The following PRR12 variants were observed in gnomAD, a reference collection of about 807,000 sequenced individuals.
PRR12 encodes proline-rich protein 12.
In PRR12, 12 loss-of-function variants were observed where a neutral mutation model predicts 138.0. The ratio of observed to expected loss-of-function variants is 0.09; its 90% CI spans 0.06 to 0.14. The LOEUF is 0.14. Ranked by LOEUF, PRR12 falls within the 10% of genes least tolerant of loss-of-function variation. The pLI, the probability that PRR12 is intolerant of heterozygous loss-of-function variation, is 1.00. For missense variants in PRR12, 2,692 were observed against 2,861.3 expected (o/e 0.94, Z 1.35); for synonymous variants, 1,567 against 1,291.7 (o/e 1.21, Z -4.57).
chr19:49,621,877 G>C (rs2080925364), intron 11 of PRR12: 1 of 513,802 alleles, frequency 1.9e-6, no homozygotes, highest in African/African-American at 1.9e-5. Context: ...TTGTTTCGGA[G>C]AACAAGTGTG....
Position 49,591,736 on chromosome 19 carries a change from G to A in PRR12, c.82G>A (p.Ala28Thr), listed in dbSNP as rs1302860335. The change falls in exon 1 of 14, where the codon GCT (alanine) becomes ACT (threonine). Residue 28 changes from alanine to threonine, a missense_variant. Ala to Thr is a moderately conservative substitution (Grantham distance 58). Coordinates refer to ENST00000418929, the MANE Select transcript of PRR12 (RefSeq NM_020719.3). ...ATGGAGTTACGAGAGGTCAGCGAAA[G>A]CTAGGTAAGGAGCTGAGGGTGGCCT... Reference protein sequence around the residue: ...AGWSYERSAKASLVYGSSRTS... With the variant: ...AGWSYERSAKTSLVYGSSRTS... The A allele has an allele frequency of 1.3e-6, 2 of 1,494,120 alleles. No homozygotes were observed. The highest frequency in any genetic ancestry group is 1.8e-6 in the Non-Finnish European group (2 of 1,119,258). 92.6% of individuals were successfully genotyped at this position (1,494,120 alleles called of 1,614,324 possible). A position where few individuals can be genotyped will look rare whatever the true frequency, so the allele number is the denominator to read the frequency against.
rs1331503801 is a variant in PRR12 at position 49,614,781 on chromosome 19, C to T, written c.4891-95C>T. 6.4e-7 allele frequency: 1 copy of T among 1,573,674 alleles called. No homozygotes were observed. Among genetic ancestry groups the T allele is most frequent in the Admixed American group, 1.8e-5 (1 of 56,818 alleles). On this transcript the variant is annotated intron_variant, in intron 7 of 13. Transcript: ENST00000418929. This position sits in a 1 kb window ranked among gnomAD's most constrained non-coding sequence, Gnocchi z 5.0. ...GGGGGCCCCCTGCTGCCGGCAGGCT[C>T]CAAGCAGCTGCCATGGTGGCCCAGG...
chr19:49,621,463 C>T, intron 10 of PRR12, 62 bp from the exon 11 acceptor site: 2 of 1,334,014 alleles, frequency 1.5e-6, no homozygotes, highest in Non-Finnish European at 2.1e-6. Context: ...TCCATGACCC[C>T]ACCTTGGCCC....
rs1599787864 is a variant in PRR12 at position 49,597,720 on chromosome 19, C to T, written c.3385C>T (p.Arg1129Cys). Residue 1129 changes from arginine (R) to cysteine (C), a missense_variant, in exon 4 of 14, where the codon CGC becomes TGC. Arg to Cys is a radical substitution (Grantham distance 180). Transcript: ENST00000418929. This position sits in a 1 kb window ranked among gnomAD's most constrained non-coding sequence, Gnocchi z 6.3. ...RRLPDLVSSC[R>C]SRPALSPLGD... ...CTTGCCTGACCTGGTCTCCAGCTGCCGCTCCCGTCCGGCCCTCTCGCCACT... is the reference window on the plus strand; with the variant it reads ...CTTGCCTGACCTGGTCTCCAGCTGCTGCTCCCGTCCGGCCCTCTCGCCACT... 5.0e-6 allele frequency: 8 copies of T among 1,607,648 alleles called. No individual in the cohort carries two copies. Among genetic ancestry groups the T allele is most frequent in the Non-Finnish European group, 5.9e-6 (7 of 1,178,106 alleles).
At chr19:49,611,908 G>A (rs1159981878) in intron 6 of PRR12, among the ~76,000 whole-genome samples, 1 of 94,426 alleles carries the variant, frequency 1.1e-5, no homozygotes, top group Non-Finnish European at 1.9e-5. Flanking sequence ...GGGCGACAGA[G>A]CGAGACTCCG....
rs1341291535 is a variant in PRR12, at chr19:49,615,790, T to C, written c.5068T>C (p.Ser1690Pro). The C allele has an allele frequency of 6.2e-7, 1 of 1,612,782 alleles. No individual in the cohort carries two copies. Among genetic ancestry groups the C allele is most frequent in the African/African-American group, 1.3e-5 (1 of 74,776 alleles). ...AKNPVSAGGS[S>P]APPPKAPAPP... ...GAACCCCGTATCTGCTGGGGGTAGCTCTGCACCTCCCCCTAAGGCCCCAGC... is the reference window on the plus strand; with the variant it reads ...GAACCCCGTATCTGCTGGGGGTAGCCCTGCACCTCCCCCTAAGGCCCCAGC... The change falls in exon 9 of 14, where the codon TCT (serine) becomes CCT (proline). Residue 1690 changes from serine to proline, a missense_variant. Ser to Pro is a moderately conservative substitution (Grantham distance 74). This residue lies in a region of PRR12 where 259 missense variants were observed against 265.1 expected (regional missense o/e 0.98). Coordinates refer to ENST00000418929, the MANE Select transcript of PRR12 (RefSeq NM_020719.3).
chr19:49,616,154 C>A lies in PRR12; in HGVS notation c.5432C>A (p.Ala1811Glu). ...AAGGAGGCAGGCGGCAACGCTACAG[C>A]AGGCGGGGGCCCACCAGGCAGCTCC... ...WLKEAGGNAT[A>E]GGGPPGSSSD... Residue 1811 changes from alanine to glutamate, a missense_variant, in exon 9 of 14, where the codon GCA (alanine) becomes GAA (glutamate). Coordinates refer to ENST00000418929, the MANE Select transcript of PRR12 (RefSeq NM_020719.3). The surrounding 1 kb of genome is among the most constrained non-coding windows in gnomAD (Gnocchi z 4.2). 2 of 1,561,888 alleles carry A rather than the reference C, an allele frequency of 1.3e-6. No individual in the cohort carries two copies. The highest frequency in any genetic ancestry group is 1.7e-6 in the Non-Finnish European group (2 of 1,153,582).
Position 49,598,012 on chromosome 19 carries a change from A to G in PRR12, c.3677A>G (p.Lys1226Arg). The G allele has an allele frequency of 7.3e-7, 1 of 1,368,362 alleles. No homozygotes were observed. The allele number at this position is 1,368,362 out of a possible 1,614,324, so 84.8% of individuals were successfully genotyped here. A position where few individuals can be genotyped will look rare whatever the true frequency, so the allele number is the denominator to read the frequency against. The change falls in exon 4 of 14, where the codon AAG becomes AGG. Residue 1226 changes from lysine (K) to arginine (R), a missense_variant and splice_region_variant. Transcript: ENST00000418929. The part of the protein sequence containing the change: ...GTRLEPLKPL[K>R]IKLSVPKAGE... Reference sequence around the variant, plus strand: ...CGGTTGGAGCCCCTGAAGCCACTTAAGGTGAGGGGAAATGGGGTCTTGTAG... The same window carrying G: ...CGGTTGGAGCCCCTGAAGCCACTTAGGGTGAGGGGAAATGGGGTCTTGTAG...
rs759103875 is a variant in PRR12, at chr19:49,593,445, G to A, written c.199+6G>A. The A allele has an allele frequency of 4.7e-6, 7 of 1,491,198 alleles. No individual in the cohort carries two copies. The highest frequency in any genetic ancestry group is 2.3e-5 in the East Asian group (1 of 43,728). The allele number at this position is 1,491,198 out of a possible 1,614,324, so 92.4% of individuals were successfully genotyped here. On this transcript the variant is annotated splice_donor_region_variant and intron_variant, in intron 2 of 13. Transcript: ENST00000418929. ...CACCAACCACCACCCGGCAGGTACG[G>A]CCCCCATCCCGCCCCGCTTTGGGCT... is the stretch of plus-strand genomic sequence containing the variant.
chr19:49,606,523 C>T (rs751802684), intron 6 of PRR12, among the ~76,000 whole-genome samples: 2 of 149,406 alleles, frequency 1.3e-5, no homozygotes, highest in Admixed American at 6.7e-5. Context: ...AGGCTGGTCT[C>T]GAACTCCTGA....
At chr19:49,592,640 G>C (rs918825907) in intron 1 of PRR12, among the ~76,000 whole-genome samples, 2 of 151,998 alleles carry the variant, frequency 1.3e-5, no homozygotes, top group Admixed American at 6.6e-5. Context: ...GGATTCCTCC[G>C]TCTATATCTT....
At chr19:49,592,073 C>T (rs1342392261) in intron 1 of PRR12, among the ~76,000 whole-genome samples, 4 of 151,844 alleles carry the variant, frequency 2.6e-5, no homozygotes, top group African/African-American at 9.7e-5. Context: ...GGCTTGGTGA[C>T]CCCTCCCCCC....
At chr19:49,617,383 T>G (rs2080898478) in intron 9 of PRR12, among the ~76,000 whole-genome samples, 2 of 152,056 alleles carry the variant, frequency 1.3e-5, no homozygotes, top group Non-Finnish European at 2.9e-5. Flanking sequence ...ATCCCTTCAC[T>G]TTGGGAGGCT....
intron 4 of PRR12, among the ~76,000 whole-genome samples, chr19:49,598,700 C>T (rs750071494): frequency 6.6e-6 from 1 of 152,100 alleles, no homozygotes; most frequent in Non-Finnish European, 1.5e-5. Flanking sequence ...CGTGTACCTA[C>T]AGTCCCAGCT....
At chr19:49,611,822 C>T (rs1467339766) in intron 6 of PRR12, among the ~76,000 whole-genome samples, 3 of 141,984 alleles carry the variant, frequency 2.1e-5, no homozygotes, top group Admixed American at 7.3e-5. Flanking sequence ...ACTCGGGAGG[C>T]TGAGGCAGGA....
chr19:49,621,842 G>C, intron 11 of PRR12: 1 of 563,092 alleles, frequency 1.8e-6, no homozygotes, highest in Non-Finnish European at 3.2e-6. Context: ...GGGCAGCAGA[G>C]GGGTGGTTGT....
chr19:49,599,577 C>T lies in PRR12; in HGVS notation c.3984C>T (p.Ala1328=), dbSNP rs778307449. 1 of 1,595,612 alleles carries T rather than the reference C, an allele frequency of 6.3e-7. No homozygotes were observed. Among genetic ancestry groups the T allele is most frequent in the Non-Finnish European group, 8.5e-7 (1 of 1,170,986 alleles). The change falls in exon 5 of 14, where the codon GCC becomes GCT. Residue 1328 remains alanine (A), a synonymous_variant. Transcript: ENST00000418929. This position sits in a 1 kb window ranked among gnomAD's most constrained non-coding sequence, Gnocchi z 5.0. ...GAGGCCTGCAGCCCCAGCCCCCTGC[C>T]ACCCCTGCTGTGCCACATCCCCCAC... is the stretch of plus-strand genomic sequence containing the variant. The part of the protein sequence containing the change: ...PARGLQPQPP[A]TPAVPHPPPS...
rs763912696 is a variant in PRR12 at position 49,597,280 on chromosome 19, C to T, written c.2945C>T (p.Pro982Leu). The change falls in exon 4 of 14, where the codon CCC (proline) becomes CTC (leucine). Residue 982 changes from proline to leucine, a missense_variant. Physicochemically the swap from Pro to Leu is moderately conservative, Grantham distance 98 (BLOSUM62 -3). This residue lies in a region of PRR12 where 840 missense variants were observed against 689.8 expected (regional missense o/e 1.22). Transcript: ENST00000418929. The surrounding 1 kb of genome is among the most constrained non-coding windows in gnomAD (Gnocchi z 6.3). ...CCCAAGGCTGGCGCTGGGCCACCCCCCGGCCCCCCTGCTTATGATCCCTAT... is the reference window on the plus strand; with the variant it reads ...CCCAAGGCTGGCGCTGGGCCACCCCTCGGCCCCCCTGCTTATGATCCCTAT... ...GDPKAGAGPP[P>L]GPPAYDPYGP... The T allele has an allele frequency of 1.2e-4, 184 of 1,564,646 alleles. No homozygotes were observed. Among genetic ancestry groups the T allele is most frequent in the Non-Finnish European group, 1.5e-4 (175 of 1,156,572 alleles).
chr19:49,616,290 G>C lies in PRR12; in HGVS notation c.5497+71G>C. ...GGACACAGGTGAGGGCTGTCCAGAG[G>C]GCTCCAGGTAGCCTTGGCAGGACAG... On this transcript the variant is annotated intron_variant, in intron 9 of 13. Transcript: ENST00000418929. This position sits in a 1 kb window ranked among gnomAD's most constrained non-coding sequence, Gnocchi z 4.2. The C allele has an allele frequency of 7.4e-7, 1 of 1,349,002 alleles. No individual in the cohort carries two copies. 83.6% of individuals were successfully genotyped at this position (1,349,002 alleles called of 1,614,324 possible).
Sources: allele counts gnomAD v4.1 joint callset (sites outside exome capture counted in the v4.1 genomes callset), GRCh38; gene constraint gnomAD v4.1.1; regional missense constraint gnomAD v4.1.1; non-coding constraint Gnocchi (gnomAD v3.1); transcripts MANE v1.5; gene names NCBI Gene and HGNC (gene_info 2026-07-23, HGNC 2026-07-21).